The following POMZP3 variants were observed in gnomAD, a reference collection of about 807,000 sequenced individuals.
The protein encoded by POMZP3 is POM121 and ZP3 fusion protein.
POMZP3 carries 10 observed loss-of-function variants against 19.8 expected under a neutral mutation model. The observed-to-expected ratio is 0.51, with a 90% CI of 0.31 to 0.86. The LOEUF (loss-of-function observed/expected upper bound fraction) is 0.86, where lower values mean the gene tolerates loss of function less well. Among genes scored for constraint, POMZP3 ranks in the 40% least tolerant of loss-of-function variants. The probability of loss-of-function intolerance (pLI) is 0.04; values close to 1 mark genes in which losing one functional copy is unlikely to be tolerated. For missense variants in POMZP3, 152 were observed against 228.1 expected (o/e 0.67, Z 2.15); for synonymous variants, 57 against 85.8 (o/e 0.66, Z 1.85).
intron 4 of POMZP3, among the ~76,000 whole-genome samples, chr7:76,613,462 C>T (rs189789721): frequency 7.8e-6 from 1 of 127,788 alleles, no homozygotes; most frequent in Admixed American, 8.2e-5. Flanking sequence ...GGACCCCCCC[C>T]ACCCAGGGAA....
Position 76,615,228 on chromosome 7 carries a change from A to G in POMZP3, c.345+2955T>C, listed in dbSNP as rs1281792321. On this transcript the variant is annotated intron_variant, in intron 4 of 6. Coordinates refer to ENST00000310842, the MANE Select transcript of POMZP3 (RefSeq NM_012230.5). The stretch of plus-strand genomic sequence containing the variant: ...ATGCTGACTGCTACCACCTCTGTGA[A>G]AACTTCTCCCCATCTTCTTCCCAAA... Among the ~76,000 whole-genome samples, 4 of 98,000 alleles carry G rather than the reference A, an allele frequency of 4.1e-5. 1 individual carries two copies. The highest frequency in any genetic ancestry group is 1.2e-4 in the African/African-American group (3 of 24,336). 64.3% of individuals were successfully genotyped at this position (98,000 alleles called of 152,430 possible).
intron 3 of POMZP3, among the ~76,000 whole-genome samples, chr7:76,622,868 A>G (rs1314526812): frequency 5.3e-5 from 8 of 150,966 alleles, no homozygotes; most frequent in Non-Finnish European, 5.9e-5. Context: ...TTTAATCTAA[A>G]TTCCTTTTTT....
intron 3 of POMZP3, among the ~76,000 whole-genome samples, chr7:76,622,481 C>T (rs62475944): frequency 0.18 from 25,456 of 140,056 alleles, 2,868 homozygotes; most frequent in South Asian, 0.28. Context: ...CAGGTTCAAG[C>T]GATTCTCCTG....
At chr7:76,616,280 C>CA (rs1161112529) in intron 4 of POMZP3, among the ~76,000 whole-genome samples, 1,373 of 57,666 alleles carry the variant, frequency 0.024, 93 homozygotes, top group Admixed American at 0.1. Context: ...GAGACTGTCT[C>CA]AAAAAAAAAA....
intron 4 of POMZP3, among the ~76,000 whole-genome samples, chr7:76,613,452 G>A (rs1273634973): frequency 5.3e-5 from 7 of 131,726 alleles, no homozygotes; most frequent in African/African-American, 1.9e-4. Flanking sequence ...GGGAGCTGAA[G>A]GACCCCCCCC....
intron 3 of POMZP3, among the ~76,000 whole-genome samples, 179 bp downstream of exon 3, chr7:76,625,343 G>A: frequency 6.6e-6 from 1 of 151,540 alleles, no homozygotes; most frequent in Non-Finnish European, 1.5e-5. Context: ...TCTAACCTGT[G>A]CCTTGAAATG....
In POMZP3 at chr7:76,627,201, C is replaced by T. The variant is rs1416694313; in HGVS notation, c.-645G>A. On this transcript the variant is annotated 5_prime_UTR_variant, in exon 1 of 7. Transcript: ENST00000310842. ...CCGCCCCGGCCGGCCCTGACACTCG[C>T]TATCGGCCGCCGCCGCTCGCCTGCT... The T allele has an allele frequency of 2.8e-6, 4 of 1,436,368 alleles. No individual in the cohort carries two copies. Among genetic ancestry groups the T allele is most frequent in the Non-Finnish European group, 3.7e-6 (4 of 1,083,850 alleles). 89.0% of individuals were successfully genotyped at this position (1,436,368 alleles called of 1,614,324 possible).
chr7:76,616,141 G>A (rs771184561), intron 4 of POMZP3, among the ~76,000 whole-genome samples: 2 of 136,934 alleles, frequency 1.5e-5, no homozygotes, highest in African/African-American at 2.8e-5. Flanking sequence ...AGGATTAGCC[G>A]GGCATGGTGG....
At chr7:76,613,507 CTTTT>C (rs1193493149) in intron 4 of POMZP3, among the ~76,000 whole-genome samples, 2 of 67,410 alleles carry the variant, frequency 3.0e-5, no homozygotes, top group African/African-American at 7.2e-5. Context: ...CCCCCCTACC[CTTTT>C]TTTTTTTTTT....
rs1459598234 is a variant in POMZP3, at chr7:76,616,933, G to A, written c.345+1250C>T. On this transcript the variant is annotated intron_variant, in intron 4 of 6. Coordinates refer to ENST00000310842, the MANE Select transcript of POMZP3 (RefSeq NM_012230.5). ...AGCACTTTGGGAGACCGAGGCAGGCGGATCACCTGAGGTCAGGAGTTTGGG... is the reference window on the plus strand; with the variant it reads ...AGCACTTTGGGAGACCGAGGCAGGCAGATCACCTGAGGTCAGGAGTTTGGG... Among the ~76,000 whole-genome samples, 2 of 93,596 alleles carry A rather than the reference G, an allele frequency of 2.1e-5. 1 individual carries two copies. Among genetic ancestry groups the A allele is most frequent in the Admixed American group, 2.1e-4 (2 of 9,616 alleles). 61.4% of individuals were successfully genotyped at this position (93,596 alleles called of 152,430 possible).
chr7:76,617,342 T>G (rs1187430114), intron 4 of POMZP3, among the ~76,000 whole-genome samples: 1 of 96,560 alleles, frequency 1.0e-5, no homozygotes, highest in Non-Finnish European at 2.2e-5. Context: ...CACTTCCTAC[T>G]GCATCCCTCC....
chr7:76,619,037 C>T (rs1418477664), intron 3 of POMZP3, among the ~76,000 whole-genome samples: 3 of 152,170 alleles, frequency 2.0e-5, no homozygotes, highest in Non-Finnish European at 2.9e-5. Flanking sequence ...TTCCTCTTGT[C>T]TCAGCCTCCT....
chr7:76,626,080 G>C lies in POMZP3; in HGVS notation c.-16C>G, dbSNP rs372533021. The C allele has an allele frequency of 5.6e-6, 9 of 1,613,684 alleles. No individual in the cohort carries two copies. The African/African-American group carries it at 6.7e-5, about 12-fold the overall frequency. ...TACACACCATCCTGGAGTTGCGAGGGGACAGCACAGCCTTCTTGTGATAAC... is the reference window on the plus strand; with the variant it reads ...TACACACCATCCTGGAGTTGCGAGGCGACAGCACAGCCTTCTTGTGATAAC... On this transcript the variant is annotated 5_prime_UTR_variant, in exon 2 of 7. Coordinates refer to ENST00000310842, the MANE Select transcript of POMZP3 (RefSeq NM_012230.5).
intron 3 of POMZP3, among the ~76,000 whole-genome samples, chr7:76,623,854 A>C (rs1387826079): frequency 6.6e-6 from 1 of 151,792 alleles, no homozygotes; most frequent in African/African-American, 2.4e-5. Flanking sequence ...ACGCTTGGTG[A>C]CCGTGCTAGG....
chr7:76,626,376 T>C (rs1169864902), intron 1 of POMZP3, 161 bp from the exon 2 acceptor site: 2 of 681,790 alleles, frequency 2.9e-6, no homozygotes, highest in Non-Finnish European at 4.9e-6. Context: ...CCCTATTCCA[T>C]CTAAGAGCAG....
At chr7:76,619,448 C>A (rs1037834596) in intron 3 of POMZP3, among the ~76,000 whole-genome samples, 1 of 151,110 alleles carries the variant, frequency 6.6e-6, no homozygotes, top group East Asian at 1.9e-4. Flanking sequence ...TCCCCACTCC[C>A]CACAACATAC....
chr7:76,627,124 G>T lies in POMZP3; in HGVS notation c.-568C>A. 3.6e-6 allele frequency: 5 copies of T among 1,407,846 alleles called. No individual in the cohort carries two copies. The highest frequency in any genetic ancestry group is 2.4e-5 in the Admixed American group (1 of 41,112). The allele number at this position is 1,407,846 out of a possible 1,614,324, so 87.2% of individuals were successfully genotyped here. A position where few individuals can be genotyped will look rare whatever the true frequency, so the allele number is the denominator to read the frequency against. On this transcript the variant is annotated 5_prime_UTR_variant, in exon 1 of 7. It introduces an in-frame stop codon into an upstream open reading frame of the 5' UTR. Transcript: ENST00000310842. ...CACGGCCAGCCAGGCCAGCGCAGCC[G>T]CAGCAGGCACGAGGTACAGTAGGAG...
intron 4 of POMZP3, among the ~76,000 whole-genome samples, chr7:76,616,842 C>T (rs1483921426): frequency 1.1e-5 from 1 of 92,620 alleles, no homozygotes; most frequent in Admixed American, 1.1e-4. Flanking sequence ...GACTGCAGAG[C>T]GAGACTCCAA....
chr7:76,622,884 CTTTTT>C (rs956190845), intron 3 of POMZP3, among the ~76,000 whole-genome samples: 3 of 144,796 alleles, frequency 2.1e-5, no homozygotes, highest in Non-Finnish European at 3.0e-5. Context: ...TTTTTTTTTT[CTTTTT>C]GAGTTGGGGT....
Sources: allele counts gnomAD v4.1 joint callset (sites outside exome capture counted in the v4.1 genomes callset), GRCh38; gene constraint gnomAD v4.1.1; transcripts MANE v1.5; gene names NCBI Gene and HGNC (gene_info 2026-07-23, HGNC 2026-07-21).